TP63: variants seen among roughly 807,000 people sequenced by gnomAD.
TP63 encodes the protein tumor protein 63.
A neutral mutation model predicts 82.8 loss-of-function variants in TP63; 17 were observed. The ratio of observed to expected loss-of-function variants is 0.21; its 90% confidence interval spans 0.14 to 0.31. The LOEUF is 0.31. Ranked by LOEUF, TP63 falls within the 10% of genes least tolerant of loss-of-function variation. The probability of loss-of-function intolerance (pLI) is 1.00; values close to 1 mark genes in which losing one functional copy is unlikely to be tolerated. For missense variants in TP63, 648 were observed against 895.3 expected (o/e 0.72, Z 3.52); for synonymous variants, 330 against 321.7 (o/e 1.03, Z -0.28).
intron 1 of TP63, among the ~76,000 whole-genome samples, chr3:189,719,400 A>G (rs1051342495): frequency 4.6e-5 from 7 of 152,084 alleles, no homozygotes; most frequent in Non-Finnish European, 1.0e-4. Flanking sequence ...ACTCTTTCAT[A>G]TCTATTCTTT....
At chr3:189,646,305 C>A (rs9827487) in intron 1 of TP63, among the ~76,000 whole-genome samples, 57,796 of 145,638 alleles carry the variant, frequency 0.4, 14,837 homozygotes, top group East Asian at 0.55. Flanking sequence ...TAATTTTGGT[C>A]TTCTCTGTAG....
chr3:189,782,963 G>A (rs1274600948), intron 3 of TP63, among the ~76,000 whole-genome samples: 1 of 151,986 alleles, frequency 6.6e-6, no homozygotes, highest in Non-Finnish European at 1.5e-5. Context: ...CAGGTATACT[G>A]TTTGGAAATT....
At chr3:189,753,324 C>T (rs1577353143) in intron 3 of TP63, among the ~76,000 whole-genome samples, 1 of 151,912 alleles carries the variant, frequency 6.6e-6, no homozygotes, top group South Asian at 2.1e-4. Flanking sequence ...CTAAAGCTCC[C>T]TTGTTGGGTA....
chr3:189,681,360 A>G lies in TP63; in HGVS notation c.62+49783A>G, dbSNP rs73195974. 0.18 allele frequency among the ~76,000 whole-genome samples: 27,682 copies of G among 152,134 alleles called. 2,592 individuals carry two copies. The highest frequency in any genetic ancestry group is 0.32 in the East Asian group (1,647 of 5,172). On this transcript the variant is annotated intron_variant, in intron 1 of 13. Coordinates refer to ENST00000264731, the MANE Select transcript of TP63 (RefSeq NM_003722.5). ...GCTGATGTCACTTCCATTAGCATACATTTTAAAATTTGTAATTAGGAAGGT... is the reference window on the plus strand; with the variant it reads ...GCTGATGTCACTTCCATTAGCATACGTTTTAAAATTTGTAATTAGGAAGGT...
intron 1 of TP63, among the ~76,000 whole-genome samples, chr3:189,635,838 C>T (rs796300147): frequency 3.9e-5 from 6 of 152,088 alleles, no homozygotes; most frequent in African/African-American, 1.4e-4. Context: ...AAAAAGTATG[C>T]CATGATGTTG....
upstream of TP63, among the ~76,000 whole-genome samples, chr3:189,629,088 A>T (rs566989505): frequency 1.7e-4 from 26 of 152,226 alleles, no homozygotes; most frequent in South Asian, 6.2e-4. Flanking sequence ...TAAATTTTTT[A>T]AAAAAATAGA....
Position 189,677,398 on chromosome 3 carries a change from G to A in TP63, c.62+45821G>A, listed in dbSNP as rs1055571043. Among the ~76,000 whole-genome samples the A allele has an allele frequency of 1.5e-4, 17 of 110,792 alleles. 1 individual carries two copies. The highest frequency in any genetic ancestry group is 3.8e-4 in the African/African-American group (14 of 36,888). 72.7% of individuals were successfully genotyped at this position (110,792 alleles called of 152,430 possible). A position where few individuals can be genotyped will look rare whatever the true frequency, so the allele number is the denominator to read the frequency against. On this transcript the variant is annotated intron_variant, in intron 1 of 13. Coordinates refer to ENST00000264731, the MANE Select transcript of TP63 (RefSeq NM_003722.5). The stretch of plus-strand genomic sequence containing the variant: ...TAAATAATTATATATAAATATGTGT[G>A]TATATATATACATATATACACGTAT...
intron 3 of TP63, among the ~76,000 whole-genome samples, chr3:189,795,176 T>G (rs2108605828): frequency 6.6e-6 from 1 of 152,210 alleles, no homozygotes; most frequent in South Asian, 2.1e-4. Flanking sequence ...TAGTATAAAT[T>G]TGGCTGTAAG....
intron 3 of TP63, among the ~76,000 whole-genome samples, chr3:189,776,926 A>G (rs62279936): frequency 0.5 from 76,595 of 151,948 alleles, 20,077 homozygotes; most frequent in Non-Finnish European, 0.58. Context: ...TGTCCTTTCA[A>G]TTCACATGAA....
chr3:189,873,967 G>A (rs949663819), intron 10 of TP63, among the ~76,000 whole-genome samples: 2 of 152,118 alleles, frequency 1.3e-5, no homozygotes, highest in Non-Finnish European at 2.9e-5. Flanking sequence ...CAGAGGCAAA[G>A]ATTATATTTT....
chr3:189,768,891 G>A (rs541189413), intron 3 of TP63, among the ~76,000 whole-genome samples: 1 of 152,218 alleles, frequency 6.6e-6, no homozygotes, highest in Non-Finnish European at 1.5e-5. Flanking sequence ...AAGAAGTATA[G>A]GTATGTTCAC....
Position 189,765,433 on chromosome 3 carries a change from C to CTTTTTTTT in TP63, c.324+26673_324+26680dup, listed in dbSNP as rs576530590. On this transcript the variant is annotated intron_variant, in intron 3 of 13. Transcript: ENST00000264731. ...GGCTTTGTAAATATCCTGTCCTCTG[C>CTTTTTTTT]TTTTTTTTTTTTTTTTTTTTTGAGA... 6.5e-3 allele frequency among the ~76,000 whole-genome samples: 196 copies of CTTTTTTTT among 30,080 alleles called. 79 individuals are homozygous for CTTTTTTTT. Among genetic ancestry groups the CTTTTTTTT allele is most frequent in the African/African-American group, 0.018 (143 of 8,062 alleles). The allele number at this position is 30,080 out of a possible 152,430, so 19.7% of individuals were successfully genotyped here. A position where few individuals can be genotyped will look rare whatever the true frequency, so the allele number is the denominator to read the frequency against.
intron 1 of TP63, among the ~76,000 whole-genome samples, chr3:189,732,085 C>A (rs1330238230): frequency 6.6e-6 from 1 of 152,110 alleles, no homozygotes; most frequent in Non-Finnish European, 1.5e-5. Flanking sequence ...GACTTTTGTT[C>A]AGAACCCTAA....
At chr3:189,848,808 C>A (rs779330304) in intron 4 of TP63, among the ~76,000 whole-genome samples, 30 of 152,172 alleles carry the variant, frequency 2.0e-4, no homozygotes, top group Non-Finnish European at 4.1e-4. Flanking sequence ...TCATGAAATA[C>A]GTATTTGGAC....
intron 11 of TP63, among the ~76,000 whole-genome samples, chr3:189,887,856 G>GT (rs397874442): frequency 0.58 from 73,034 of 125,462 alleles, 20,124 homozygotes; most frequent in East Asian, 0.78. Context: ...CATTGTTTTG[G>GT]TTTTTTTTTT....
intron 3 of TP63, among the ~76,000 whole-genome samples, chr3:189,808,004 AC>A (rs1727100353): frequency 6.6e-6 from 1 of 152,112 alleles, no homozygotes; most frequent in South Asian, 2.1e-4. Flanking sequence ...ATAAGCATAT[AC>A]TCTACTTTCA....
intron 4 of TP63, among the ~76,000 whole-genome samples, chr3:189,817,691 T>TA (rs1263040766): frequency 5.3e-5 from 8 of 152,182 alleles, no homozygotes; most frequent in Middle Eastern, 3.4e-3. Flanking sequence ...ATAACATAAA[T>TA]ATATAAGTCC....
chr3:189,633,764 G>A lies in TP63; in HGVS notation c.62+2187G>A, dbSNP rs550126363. Among the ~76,000 whole-genome samples the A allele has an allele frequency of 3.3e-5, 5 of 152,192 alleles. No homozygotes were observed. In the South Asian group the frequency reaches 1.0e-3, roughly 31 times the overall value. ...AGGCAAGAATATGTACTTCTCATTT[G>A]TAATGCAAGCTTAACCAGCAAAAAC... On this transcript the variant is annotated intron_variant, in intron 1 of 13. Transcript: ENST00000264731.
intron 3 of TP63, among the ~76,000 whole-genome samples, chr3:189,743,311 T>A (rs1459124795): frequency 6.6e-6 from 1 of 152,204 alleles, no homozygotes; most frequent in Non-Finnish European, 1.5e-5. Flanking sequence ...TAATAACCAA[T>A]GCTAGTGAGA....
Sources: allele counts gnomAD v4.1 joint callset (sites outside exome capture counted in the v4.1 genomes callset), GRCh38; gene constraint gnomAD v4.1.1; transcripts MANE v1.5; gene names NCBI Gene and HGNC (gene_info 2026-07-23, HGNC 2026-07-21).